The following HTT variants were observed in gnomAD, a reference collection of about 807,000 sequenced individuals.
The protein encoded by HTT is huntington disease protein.
In HTT, 104 loss-of-function variants were observed where a neutral mutation model predicts 362.3. That is an observed-to-expected ratio of 0.29 (90% confidence interval 0.24 to 0.34). The LOEUF is 0.34. Among genes scored for constraint, HTT ranks in the 10% least tolerant of loss-of-function variants. HTT has a pLI of 1.00. For missense variants in HTT, 3,301 were observed against 3,928.6 expected (o/e 0.84, Z 4.27); for synonymous variants, 1,577 against 1,548.7 (o/e 1.02, Z -0.43).
chr4:3,186,549 C>T (rs780062406), intron 37 of HTT, 48 bp from the exon 38 acceptor site: 16 of 1,598,664 alleles, frequency 1.0e-5, no homozygotes, highest in African/African-American at 4.0e-5. Flanking sequence ...AGGAAGCTGT[C>T]GTTTCTTTTG....
Position 3,147,921 on chromosome 4 carries a change from G to A in HTT, c.3296-84G>A, listed in dbSNP as rs1716687073. 2.8e-6 allele frequency: 3 copies of A among 1,078,820 alleles called. No individual in the cohort carries two copies. The Admixed American group carries it at 6.8e-5, about 25-fold the overall frequency. 66.8% of individuals were successfully genotyped at this position (1,078,820 alleles called of 1,614,324 possible). ...ATGTCTGGCCAACTCTCAACATAGG[G>A]TCTTAAATGACTTCAGTTCCCCAAG... On this transcript the variant is annotated intron_variant, in intron 25 of 66. Coordinates refer to ENST00000355072, the MANE Select transcript of HTT (RefSeq NM_001388492.1).
intron 29 of HTT, among the ~76,000 whole-genome samples, chr4:3,167,184 A>C (rs1578554762): frequency 6.6e-6 from 1 of 152,004 alleles, no homozygotes; most frequent in South Asian, 2.1e-4. Context: ...CGATTCTCCT[A>C]CCTCAGCCTC....
chr4:3,210,511 C>A (rs1272845456), intron 47 of HTT, among the ~76,000 whole-genome samples: 2 of 152,192 alleles, frequency 1.3e-5, no homozygotes, highest in African/African-American at 4.8e-5. Flanking sequence ...TCTTCACCCC[C>A]CAACCCCAGA....
At chr4:3,079,124 G>A (rs1350642269) in intron 1 of HTT, among the ~76,000 whole-genome samples, 4 of 151,810 alleles carry the variant, frequency 2.6e-5, no homozygotes, top group African/African-American at 7.3e-5. Context: ...TCGAACTCCC[G>A]GCCTCATGTG....
intron 2 of HTT, among the ~76,000 whole-genome samples, chr4:3,091,944 G>A (rs958603185): frequency 6.6e-6 from 1 of 152,164 alleles, no homozygotes; most frequent in African/African-American, 2.4e-5. Context: ...TATTGGTGCA[G>A]TGCCCTTCAT....
intron 10 of HTT, among the ~76,000 whole-genome samples, chr4:3,125,191 A>G (rs993344023): frequency 6.6e-6 from 1 of 152,180 alleles, no homozygotes; most frequent in South Asian, 2.1e-4. Flanking sequence ...TCAAAGGCCA[A>G]TAGCATTGGA....
At chr4:3,089,211 G>A (rs1231298835) in intron 2 of HTT, among the ~76,000 whole-genome samples, 1 of 152,148 alleles carries the variant, frequency 6.6e-6, no homozygotes, top group East Asian at 1.9e-4. Context: ...TGAGCGGGAA[G>A]CGTATCCCAT....
At chr4:3,125,484 T>G in intron 10 of HTT, 65 bp from the exon 11 acceptor site, 1 of 969,170 alleles carries the variant, frequency 1.0e-6, no homozygotes, top group Non-Finnish European at 1.7e-6. Context: ...TTAGAGTGCA[T>G]TTACTTAATT....
Position 3,164,307 on chromosome 4 carries a change from C to T in HTT, c.3864+3915C>T, listed in dbSNP as rs541443265. Among the ~76,000 whole-genome samples the T allele has an allele frequency of 2.0e-5, 3 of 152,288 alleles. No individual in the cohort carries two copies. The South Asian group carries it at 6.2e-4, about 32-fold the overall frequency. The stretch of plus-strand genomic sequence containing the variant: ...TCTGACAGACAGTTTGTTGTGATTT[C>T]TGTTCTTTTACATTTGCTGAGGAGT... On this transcript the variant is annotated intron_variant, in intron 29 of 66. Coordinates refer to ENST00000355072, the MANE Select transcript of HTT (RefSeq NM_001388492.1).
chr4:3,235,501 G>A (rs1365564727), intron 62 of HTT, 64 bp from the exon 63 acceptor site: 5 of 1,553,832 alleles, frequency 3.2e-6, no homozygotes, highest in Non-Finnish European at 3.6e-6. Context: ...TTGGTCGGGA[G>A]GAGGCATGAA....
At chr4:3,158,230 T>G (rs1255293131) in intron 28 of HTT, among the ~76,000 whole-genome samples, 1 of 152,152 alleles carries the variant, frequency 6.6e-6, no homozygotes, top group African/African-American at 2.4e-5. Flanking sequence ...TAATCCTCCC[T>G]CCTTGGCCTC....
chr4:3,231,083 A>G (rs894718979), intron 60 of HTT, among the ~76,000 whole-genome samples: 28 of 152,224 alleles, frequency 1.8e-4, no homozygotes, highest in Non-Finnish European at 3.8e-4. Context: ...ACATCTGGCG[A>G]AGCATATTCA....
chr4:3,217,868 G>T lies in HTT; in HGVS notation c.7158G>T (p.Ala2386=). 1.9e-6 allele frequency: 3 copies of T among 1,614,200 alleles called. No homozygotes were observed. The highest frequency in any genetic ancestry group is 2.5e-6 in the Non-Finnish European group (3 of 1,180,008). Residue 2386 remains alanine, a synonymous_variant, in exon 52 of 67, where the codon GCG becomes GCT. Coordinates refer to ENST00000355072, the MANE Select transcript of HTT (RefSeq NM_001388492.1). The part of the protein sequence containing the change: ...LGHKRNSGVP[A]FLTPLLRNII... ...ATAAAAGGAATAGCGGCGTGCCGGC[G>T]TTTCTCACGCCATTGCTAAGGAACA...
At chr4:3,212,762 GAC>G in intron 49 of HTT, 53 bp downstream of exon 49, 1 of 1,589,806 alleles carries the variant, frequency 6.3e-7, no homozygotes, top group South Asian at 1.1e-5. Context: ...GCATGGGGCT[GAC>G]ACTGAAGAGG....
chr4:3,235,744 G>A lies in HTT; in HGVS notation c.8751G>A (p.Ala2917=), dbSNP rs373215539. ...VNVHSPHRAM[A]ALGLMLTCMY... ...TGCACAGCCCGCACCGGGCCATGGCGGCTCTGGGCCTGATGCTCACCTGCA... is the reference window on the plus strand; with the variant it reads ...TGCACAGCCCGCACCGGGCCATGGCAGCTCTGGGCCTGATGCTCACCTGCA... Residue 2917 remains alanine, a synonymous_variant, in exon 63 of 67, where the codon GCG becomes GCA. Transcript: ENST00000355072. 13 of 1,611,186 alleles carry A rather than the reference G, an allele frequency of 8.1e-6. No individual in the cohort carries two copies. The highest frequency in any genetic ancestry group is 1.6e-4 in the Middle Eastern group (1 of 6,064).
chr4:3,087,416 A>G (rs113708505), intron 2 of HTT, among the ~76,000 whole-genome samples: 2,990 of 152,256 alleles, frequency 0.02, 56 homozygotes, highest in Middle Eastern at 0.037. Flanking sequence ...TTGCTGTCCT[A>G]TTGTACCTCT....
chr4:3,175,594 G>A (rs1238892001), intron 33 of HTT, among the ~76,000 whole-genome samples: 1 of 152,180 alleles, frequency 6.6e-6, no homozygotes, highest in Non-Finnish European at 1.5e-5. Context: ...TGCTCCTGGA[G>A]TCCATGTGGG....
At chr4:3,194,709 G>A (rs1248595326) in intron 40 of HTT, among the ~76,000 whole-genome samples, 1 of 152,206 alleles carries the variant, frequency 6.6e-6, no homozygotes, top group Non-Finnish European at 1.5e-5. Context: ...CCCTTCCTCT[G>A]TGGCAGAGGG....
At chr4:3,238,753 C>CCCCCCCCCCCCCGG in intron 65 of HTT, 65 bp from the exon 66 acceptor site, 1 of 1,216,192 alleles carries the variant, frequency 8.2e-7, no homozygotes, top group Non-Finnish European at 1.1e-6. Context: ...CCCCGCCACC[C>CCCCCCCCCCCCCGG]AGGCGCAGCA....
Sources: allele counts gnomAD v4.1 joint callset (sites outside exome capture counted in the v4.1 genomes callset), GRCh38; gene constraint gnomAD v4.1.1; transcripts MANE v1.5; gene names NCBI Gene and HGNC (gene_info 2026-07-23, HGNC 2026-07-21).